ANKRD31: variants seen among roughly 807,000 people sequenced by gnomAD.
The protein encoded by ANKRD31 is ankyrin repeat domain 31, also known as ankyrin repeat domain-containing protein 31.
In ANKRD31, 147 loss-of-function variants were observed where a neutral mutation model predicts 186.0. The observed-to-expected ratio is 0.79, with a 90% confidence interval of 0.69 to 0.91. ANKRD31 has a LOEUF of 0.91. Among genes scored for constraint, ANKRD31 ranks in the 40% least tolerant of loss-of-function variants. The pLI, the probability that ANKRD31 is intolerant of heterozygous loss-of-function variation, is 0.00. For missense variants in ANKRD31, 1,986 were observed against 2,148.8 expected (o/e 0.92, Z 1.50); for synonymous variants, 673 against 736.4 (o/e 0.91, Z 1.39).
At chr5:75,092,385 C>A (rs898931769) in intron 22 of ANKRD31, among the ~76,000 whole-genome samples, 1 of 152,152 alleles carries the variant, frequency 6.6e-6, no homozygotes, top group African/African-American at 2.4e-5. Context: ...AAGGAGCCCA[C>A]CTTTGCTTGG....
At chr5:75,186,757 G>A (rs143034656) in intron 10 of ANKRD31, among the ~76,000 whole-genome samples, 49 of 152,174 alleles carry the variant, frequency 3.2e-4, no homozygotes, top group African/African-American at 1.2e-3. Context: ...AAACGTAAAT[G>A]AGGACTTATA....
chr5:75,099,789 ATTT>A (rs1182700023), intron 22 of ANKRD31, among the ~76,000 whole-genome samples: 3 of 152,110 alleles, frequency 2.0e-5, no homozygotes, highest in Admixed American at 1.3e-4. Flanking sequence ...AACCTTGATC[ATTT>A]TTTATTGCGT....
At position 75,120,591 on chromosome 5, in the gene ANKRD31, G is replaced by A. The variant is rs945846267; in HGVS notation, c.3877-2294C>T. On this transcript the variant is annotated intron_variant, in intron 17 of 25. Coordinates refer to ENST00000506364, the MANE Select transcript of ANKRD31 (RefSeq NM_001372053.1). ...GGCAGATAAATTTAGGAGCAAATGG[G>A]CCAGTAGAAATTATTAAGGATAACC... Among the ~76,000 whole-genome samples, 9 of 152,190 alleles carry A rather than the reference G, an allele frequency of 5.9e-5. No individual in the cohort carries two copies. In the South Asian group the frequency reaches 8.3e-4, roughly 14 times the overall value.
chr5:75,140,234 AGAAGGAAGGAAGGAAG>A (rs146909283), intron 15 of ANKRD31, among the ~76,000 whole-genome samples: 5 of 101,770 alleles, frequency 4.9e-5, no homozygotes, highest in Non-Finnish European at 8.7e-5. Context: ...AAAGAAAGAA[AGAAGGAAGGAAGGAAG>A]GAAGGAAGGA....
chr5:75,119,347 G>A (rs1748564780), intron 17 of ANKRD31, among the ~76,000 whole-genome samples: 1 of 152,174 alleles, frequency 6.6e-6, no homozygotes, highest in Non-Finnish European at 1.5e-5. Context: ...GTGAGAACAT[G>A]TGGAATTTGA....
chr5:75,139,499 A>G (rs4704178), intron 15 of ANKRD31, among the ~76,000 whole-genome samples: 35,912 of 152,072 alleles, frequency 0.24, 5,994 homozygotes, highest in African/African-American at 0.48. Context: ...CAAGTTAGAC[A>G]GACTTAAGTT....
intron 22 of ANKRD31, among the ~76,000 whole-genome samples, chr5:75,095,112 G>A (rs1048210264): frequency 4.6e-5 from 7 of 152,128 alleles, no homozygotes; most frequent in South Asian, 2.1e-4. Context: ...TTTCAATAAC[G>A]TATGGTAGTC....
chr5:75,179,361 G>A (rs1754088382), intron 10 of ANKRD31, among the ~76,000 whole-genome samples: 2 of 152,062 alleles, frequency 1.3e-5, no homozygotes, highest in South Asian at 4.1e-4. Context: ...AGAAAAAGAG[G>A]GAATCCTCCC....
chr5:75,180,222 T>G (rs1276134205), intron 10 of ANKRD31, among the ~76,000 whole-genome samples: 1 of 152,036 alleles, frequency 6.6e-6, no homozygotes, highest in Non-Finnish European at 1.5e-5. Context: ...CACTGCTCAA[T>G]GAAATGAAAG....
intron 22 of ANKRD31, among the ~76,000 whole-genome samples, chr5:75,093,062 G>C (rs940658151): frequency 2.6e-5 from 4 of 151,920 alleles, no homozygotes; most frequent in African/African-American, 9.7e-5. Flanking sequence ...GCAAGACAAA[G>C]AAAAGAGAAT....
At chr5:75,221,268 A>G (rs1757282564) in intron 3 of ANKRD31, among the ~76,000 whole-genome samples, 1 of 152,216 alleles carries the variant, frequency 6.6e-6, no homozygotes, top group South Asian at 2.1e-4. Flanking sequence ...ACACCAAAAA[A>G]ATTGATTCTC....
At chr5:75,068,774 AC>A in intron 25 of ANKRD31, 110 bp from the exon 26 acceptor site, 1 of 1,138,932 alleles carries the variant, frequency 8.8e-7, no homozygotes. Flanking sequence ...AGCACACATA[AC>A]AGGTTTTCTG....
chr5:75,140,797 C>G (rs1020360712), intron 15 of ANKRD31, among the ~76,000 whole-genome samples: 2 of 152,146 alleles, frequency 1.3e-5, no homozygotes, highest in Admixed American at 6.5e-5. Context: ...AGGCCCTCAG[C>G]CAACCATCCT....
chr5:75,143,843 A>C (rs552236543), intron 15 of ANKRD31, among the ~76,000 whole-genome samples, 158 bp downstream of exon 15: 28 of 152,144 alleles, frequency 1.8e-4, no homozygotes, highest in Non-Finnish European at 3.8e-4. Flanking sequence ...TTATCAAGTG[A>C]TGCCTTAACA....
chr5:75,168,072 T>C (rs565654358), intron 11 of ANKRD31, among the ~76,000 whole-genome samples: 1 of 152,014 alleles, frequency 6.6e-6, no homozygotes, highest in Non-Finnish European at 1.5e-5. Flanking sequence ...CACCAAGATA[T>C]ACATTATCAA....
At chr5:75,183,930 C>T (rs1053915392) in intron 10 of ANKRD31, among the ~76,000 whole-genome samples, 1 of 152,022 alleles carries the variant, frequency 6.6e-6, no homozygotes, top group African/African-American at 2.4e-5. Flanking sequence ...TGTAGAACCA[C>T]AAAAGACCCC....
chr5:75,141,632 C>A (rs902173524), intron 15 of ANKRD31, among the ~76,000 whole-genome samples: 5 of 151,474 alleles, frequency 3.3e-5, no homozygotes, highest in Admixed American at 6.6e-5. Flanking sequence ...AGCGAGACTC[C>A]GTTTCAAAAA....
chr5:75,130,144 G>A lies in ANKRD31; in HGVS notation c.3876+7712C>T, dbSNP rs189015311. ...TCTCACTGACCTCAGGAGTGAAGCC[G>A]CAAACCTTTGCAGTGAGTGTTACAG... is the stretch of plus-strand genomic sequence containing the variant. On this transcript the variant is annotated intron_variant, in intron 17 of 25. Coordinates refer to ENST00000506364, the MANE Select transcript of ANKRD31 (RefSeq NM_001372053.1). Among the ~76,000 whole-genome samples, 99 of 152,266 alleles carry A rather than the reference G, an allele frequency of 6.5e-4. 2 individuals carry two copies. The highest frequency in any genetic ancestry group is 2.1e-3 in the African/African-American group (88 of 41,558).
intron 17 of ANKRD31, among the ~76,000 whole-genome samples, chr5:75,127,970 G>A (rs993695846): frequency 2.0e-5 from 3 of 152,110 alleles, no homozygotes; most frequent in Admixed American, 1.3e-4. Context: ...AGTTGAGTCC[G>A]TGTTAGATTC....
Sources: allele counts gnomAD v4.1 joint callset (sites outside exome capture counted in the v4.1 genomes callset), GRCh38; gene constraint gnomAD v4.1.1; transcripts MANE v1.5; gene names NCBI Gene and HGNC (gene_info 2026-07-23, HGNC 2026-07-21).